The following CNTNAP3 variants were observed in gnomAD, a reference collection of about 807,000 sequenced individuals.
The protein encoded by CNTNAP3 is contactin associated protein family member 3.
CNTNAP3 carries 36 observed loss-of-function variants against 92.1 expected under a neutral mutation model. The observed-to-expected ratio is 0.39, with a 90% CI of 0.30 to 0.52. CNTNAP3 has a LOEUF of 0.52. Among genes scored for constraint, CNTNAP3 ranks in the 20% least tolerant of loss-of-function variants. The probability of loss-of-function intolerance (pLI) is 0.76; values close to 1 mark genes in which losing one functional copy is unlikely to be tolerated. For synonymous variants in CNTNAP3, 232 were observed against 422.3 expected, an observed-to-expected ratio of 0.55 and a Z score of 5.53; for missense variants, 534 against 1,069.6, an observed-to-expected ratio of 0.50 and a Z score of 6.98.
At chr9:39,143,671 C>T (rs1204234749) in intron 11 of CNTNAP3, among the ~76,000 whole-genome samples, 1 of 149,824 alleles carries the variant, frequency 6.7e-6, no homozygotes, top group Non-Finnish European at 1.5e-5. Context: ...ACTTTACAAT[C>T]ATCATCACCA....
chr9:39,144,835 A>G (rs1758289), intron 10 of CNTNAP3, among the ~76,000 whole-genome samples: 1 of 149,720 alleles, frequency 6.7e-6, no homozygotes, highest in Non-Finnish European at 1.5e-5. Context: ...TCATCTTGTC[A>G]CCTTTTAGAT....
Position 39,072,486 on chromosome 9 carries a change from G to C in CNTNAP3, c.*1404C>G, listed in dbSNP as rs1173502163. 6.8e-6 allele frequency among the ~76,000 whole-genome samples: 1 copy of C among 146,112 alleles called. No individual in the cohort carries two copies. Among genetic ancestry groups the C allele is most frequent in the South Asian group, 2.2e-4 (1 of 4,514 alleles). On this transcript the variant is annotated 3_prime_UTR_variant, in exon 24 of 24. Transcript: ENST00000297668. ...TAGTCCCTGGAACTGTCTCCATAAA[G>C]TTAATTCCAATCCTTTGCTGTCTTA...
intron 21 of CNTNAP3, among the ~76,000 whole-genome samples, chr9:39,082,092 A>G (rs1825956796): frequency 6.8e-6 from 1 of 147,858 alleles, no homozygotes; most frequent in African/African-American, 2.5e-5. Flanking sequence ...ATCTCAAAAA[A>G]AAAAAACAAA....
rs960219195 is a variant in CNTNAP3, at chr9:39,065,815, T to G, written c.*8075A>C. Among the ~76,000 whole-genome samples, 1 of 152,222 alleles carries G rather than the reference T, an allele frequency of 6.6e-6. No individual in the cohort carries two copies. Among genetic ancestry groups the G allele is most frequent in the African/African-American group, 2.4e-5 (1 of 41,464 alleles). ...TTATTTTCATTTTATTTTTGCTAAT[T>G]ATTGAGTTGTTAAGAGTTCTTTATG... On this transcript the variant is annotated 3_prime_UTR_variant, in exon 24 of 24. Transcript: ENST00000297668.
chr9:39,135,419 G>C (rs1395418195), intron 12 of CNTNAP3, among the ~76,000 whole-genome samples: 2 of 151,974 alleles, frequency 1.3e-5, no homozygotes, highest in Non-Finnish European at 2.9e-5. Context: ...GCTAAATGTG[G>C]AAAGGGGATC....
At chr9:39,086,090 T>A (rs1026122104) in intron 20 of CNTNAP3, 1 of 535,994 alleles carries the variant, frequency 1.9e-6, no homozygotes, top group African/African-American at 1.9e-5. Context: ...GATCTATAAT[T>A]GGCAGAATCC....
intron 10 of CNTNAP3, among the ~76,000 whole-genome samples, chr9:39,147,441 C>T (rs1821729999): frequency 6.6e-6 from 1 of 152,190 alleles, no homozygotes; most frequent in African/African-American, 2.4e-5. Context: ...CCAAAGTTTT[C>T]TAATTTTATT....
intron 18 of CNTNAP3, among the ~76,000 whole-genome samples, chr9:39,095,288 C>G (rs1217765376): frequency 6.6e-6 from 1 of 151,586 alleles, no homozygotes; most frequent in Non-Finnish European, 1.5e-5. Flanking sequence ...AGAGATAGCC[C>G]TTCTATTGAA....
chr9:39,114,645 T>C (rs572592066), intron 14 of CNTNAP3, among the ~76,000 whole-genome samples: 191 of 152,278 alleles, frequency 1.3e-3, no homozygotes, highest in African/African-American at 4.4e-3. Context: ...AAAAATCCAA[T>C]ATGATAAAAT....
intron 12 of CNTNAP3, among the ~76,000 whole-genome samples, chr9:39,136,160 T>TAAA (rs1554649893): frequency 1.5e-5 from 2 of 134,810 alleles, no homozygotes; most frequent in African/African-American, 5.8e-5. Flanking sequence ...ATAATAATAA[T>TAAA]AATAAAAATA....
chr9:39,109,173 G>C lies in CNTNAP3; in HGVS notation c.2352C>G (p.Leu784=). Residue 784 remains leucine, a synonymous_variant, in exon 15 of 24, where the codon CTC becomes CTG. Coordinates refer to ENST00000297668, the MANE Select transcript of CNTNAP3 (RefSeq NM_033655.5). The part of the protein sequence containing the change: ...SEAAYTLGPL[L]CRGDQSFWNS... ...GACACTACTTACGATCTCCGCGGCAGAGCAGTGGCCCCAGTGTATAAGCTG... is the reference window on the plus strand; with the variant it reads ...GACACTACTTACGATCTCCGCGGCACAGCAGTGGCCCCAGTGTATAAGCTG... The C allele has an allele frequency of 6.2e-7, 1 of 1,612,794 alleles. No homozygotes were observed. Among genetic ancestry groups the C allele is most frequent in the South Asian group, 1.1e-5 (1 of 91,000 alleles).
chr9:39,115,101 CTTTT>C (rs543547406), intron 14 of CNTNAP3, among the ~76,000 whole-genome samples: 1 of 151,538 alleles, frequency 6.6e-6, no homozygotes, highest in Non-Finnish European at 1.5e-5. Flanking sequence ...TGATCATAAA[CTTTT>C]TTTTAAGTAA....
intron 10 of CNTNAP3, among the ~76,000 whole-genome samples, chr9:39,146,414 G>A (rs555270289): frequency 2.0e-5 from 3 of 152,338 alleles, no homozygotes; most frequent in South Asian, 2.1e-4. Flanking sequence ...TCCTGGCCGG[G>A]TGTGGTGGCT....
In CNTNAP3 at chr9:39,096,560, T is replaced by C. The variant is rs1306438239; in HGVS notation, c.2995+3351A>G. 1.3e-4 allele frequency among the ~76,000 whole-genome samples: 20 copies of C among 151,486 alleles called. No individual in the cohort carries two copies. The East Asian group carries it at 3.5e-3, about 26-fold the overall frequency. ...TTATCATTTCTTTTTGTTAGGAACA[T>C]TCCAGTTCCACTCTTCTAGTTATTT... On this transcript the variant is annotated intron_variant, in intron 18 of 23. Coordinates refer to ENST00000297668, the MANE Select transcript of CNTNAP3 (RefSeq NM_033655.5).
chr9:39,121,018 T>G (rs1563884521), intron 13 of CNTNAP3, among the ~76,000 whole-genome samples: 1 of 152,108 alleles, frequency 6.6e-6, no homozygotes, highest in Non-Finnish European at 1.5e-5. Flanking sequence ...TTAAGTTGAC[T>G]GTGGTAAGTC....
At chr9:39,149,710 C>A (rs1345777935) in intron 10 of CNTNAP3, 96 bp downstream of exon 10, 15 of 710,036 alleles carry the variant, frequency 2.1e-5, no homozygotes, top group Admixed American at 5.8e-5. Flanking sequence ...ATAACAACAA[C>A]AAAAAAGAGA....
chr9:39,107,038 A>AGG (rs1564074793), intron 15 of CNTNAP3, among the ~76,000 whole-genome samples: 1 of 152,128 alleles, frequency 6.6e-6, no homozygotes, highest in Non-Finnish European at 1.5e-5. Flanking sequence ...GCAGTTCAGA[A>AGG]GGGACAAGAA....
At chr9:39,099,277 T>C (rs1826396775) in intron 18 of CNTNAP3, among the ~76,000 whole-genome samples, 1 of 152,132 alleles carries the variant, frequency 6.6e-6, no homozygotes, top group Non-Finnish European at 1.5e-5. Context: ...AACATGATTG[T>C]ACCTGAGCAG....
Position 39,133,092 on chromosome 9 carries a change from C to T in CNTNAP3, c.1920G>A (p.Ala640=), listed in dbSNP as rs571811737. Residue 640 remains alanine (A), a synonymous_variant, in exon 13 of 24, where the codon GCG becomes GCA. Transcript: ENST00000297668. ...CGCTGGGGGCACCTCGGAGGGTCAC[C>T]GCGTCGGGGCCACCGTGCTGCACCA... ...WTVVQHGGPD[A]VTLRGAPSGH... is the part of the protein sequence containing the mutation. 3 of 1,570,646 alleles carry T rather than the reference C, an allele frequency of 1.9e-6. No homozygotes were observed. Among genetic ancestry groups the T allele is most frequent in the Non-Finnish European group, 2.6e-6 (3 of 1,164,640 alleles).
Sources: gnomAD v4.1 joint callset for allele counts (sites outside exome capture counted in the v4.1 genomes callset) on GRCh38, gnomAD v4.1.1 for gene constraint, MANE v1.5 for transcripts, NCBI Gene and HGNC (gene_info 2026-07-23, HGNC 2026-07-21) for gene names.